The following CNTNAP2 variants were observed in gnomAD, a reference collection of about 807,000 sequenced individuals.
CNTNAP2 encodes the protein contactin-associated protein-like 2.
In CNTNAP2, 98 loss-of-function variants were observed where a neutral mutation model predicts 155.2. That is an observed-to-expected ratio of 0.63 (90% CI 0.54 to 0.75). CNTNAP2 has a LOEUF of 0.75. Ranked by LOEUF, CNTNAP2 falls within the 30% of genes least tolerant of loss-of-function variation. CNTNAP2 has a pLI of 0.00. For missense variants in CNTNAP2, 1,727 were observed against 1,688.1 expected, an observed-to-expected ratio of 1.02 and a Z score of -0.40; for synonymous variants, 651 against 631.2, an observed-to-expected ratio of 1.03 and a Z score of -0.47.
chr7:147,683,508 A>G lies in CNTNAP2; in HGVS notation c.2098+44202A>G, dbSNP rs534619397. On this transcript the variant is annotated intron_variant, in intron 13 of 23. Transcript: ENST00000361727. ...ACTTTTACCTTATTTTTCTTACTTT[A>G]ATCAATATTTCATTAAATTTGACTT... Among the ~76,000 whole-genome samples, 10 of 152,000 alleles carry G rather than the reference A, an allele frequency of 6.6e-5. No individual in the cohort carries two copies. The East Asian group carries it at 1.9e-3, about 29-fold the overall frequency.
intron 13 of CNTNAP2, among the ~76,000 whole-genome samples, chr7:147,853,221 T>C (rs572950332): frequency 6.6e-6 from 1 of 152,298 alleles, no homozygotes; most frequent in African/African-American, 2.4e-5. Flanking sequence ...GAAGATTAAT[T>C]GGGGAGGAGA....
chr7:147,132,208 C>G, intron 7 of CNTNAP2, 37 bp from the exon 8 acceptor site: 1 of 1,612,222 alleles, frequency 6.2e-7, no homozygotes, highest in Non-Finnish European at 8.5e-7. Context: ...TCATTTTATT[C>G]TGTGTTTTCC....
chr7:147,922,017 C>A (rs1473720554), intron 14 of CNTNAP2, among the ~76,000 whole-genome samples: 1 of 152,172 alleles, frequency 6.6e-6, no homozygotes, highest in African/African-American at 2.4e-5. Flanking sequence ...AAGAATGATT[C>A]TGGCAAGTCC....
intron 22 of CNTNAP2, among the ~76,000 whole-genome samples, chr7:148,385,746 T>TGTTTGTTTGTTTGTTTGTTTGTTTG (rs1167243164): frequency 7.7e-5 from 8 of 103,822 alleles, no homozygotes; most frequent in African/African-American, 2.5e-4. Flanking sequence ...GTTTTTTTTT[T>TGTTTGTTTGTTTGTTTGTTTGTTTG]TTTTTTTTTT....
At chr7:148,038,813 AGGATGGATGGATAGAT>A (rs1465539620) in intron 15 of CNTNAP2, among the ~76,000 whole-genome samples, 127 of 147,784 alleles carry the variant, frequency 8.6e-4, no homozygotes, top group African/African-American at 3.0e-3. Flanking sequence ...GAGAAGCAAT[AGGATGGATGGATAGAT>A]GGATGGATGG....
At chr7:146,893,926 C>A (rs1201886978) in intron 3 of CNTNAP2, among the ~76,000 whole-genome samples, 1 of 152,116 alleles carries the variant, frequency 6.6e-6, no homozygotes, top group East Asian at 1.9e-4. Flanking sequence ...ACAAACCGAG[C>A]TATGTAAAAA....
At chr7:146,926,947 T>C (rs1221680172) in intron 3 of CNTNAP2, among the ~76,000 whole-genome samples, 2 of 152,164 alleles carry the variant, frequency 1.3e-5, no homozygotes, top group African/African-American at 2.4e-5. Flanking sequence ...ATTCAGCCTT[T>C]AACCCCGAAG....
intron 1 of CNTNAP2, among the ~76,000 whole-genome samples, chr7:146,530,162 T>C (rs1443695811): frequency 6.6e-6 from 1 of 152,158 alleles, no homozygotes; most frequent in Non-Finnish European, 1.5e-5. Context: ...GGTGCTGGGA[T>C]AACTGGCTAG....
intron 13 of CNTNAP2, among the ~76,000 whole-genome samples, chr7:147,662,923 T>C (rs889028995): frequency 6.6e-5 from 10 of 152,262 alleles, no homozygotes; most frequent in African/African-American, 2.4e-4. Context: ...TACTTTAGTT[T>C]GCAGAAAACA....
intron 14 of CNTNAP2, among the ~76,000 whole-genome samples, chr7:147,977,157 T>G (rs940327645): frequency 6.6e-6 from 1 of 152,208 alleles, no homozygotes; most frequent in Non-Finnish European, 1.5e-5. Context: ...CTAGAGTCAG[T>G]ACTTTGCAAC....
chr7:147,530,777 A>T (rs867600207), intron 11 of CNTNAP2, among the ~76,000 whole-genome samples: 1 of 152,134 alleles, frequency 6.6e-6, no homozygotes, highest in Non-Finnish European at 1.5e-5. Context: ...CCTTCCCAAT[A>T]GTCCCCCAAA....
At chr7:148,092,068 T>G (rs1157007733) in intron 15 of CNTNAP2, among the ~76,000 whole-genome samples, 1 of 152,180 alleles carries the variant, frequency 6.6e-6, no homozygotes, top group Non-Finnish European at 1.5e-5. Flanking sequence ...GAAGTCTTAT[T>G]TTGCCAGTGA....
At chr7:146,535,742 A>G (rs73466765) in intron 1 of CNTNAP2, among the ~76,000 whole-genome samples, 6,572 of 151,766 alleles carry the variant, frequency 0.043, 435 homozygotes, top group African/African-American at 0.14. Flanking sequence ...CCCAAAGGAT[A>G]CTTTTCTAAC....
chr7:147,744,896 A>T (rs964496597), intron 13 of CNTNAP2, among the ~76,000 whole-genome samples: 1 of 152,152 alleles, frequency 6.6e-6, no homozygotes, highest in African/African-American at 2.4e-5. Flanking sequence ...CAAATTGGGG[A>T]GTAGGGCTTT....
chr7:146,538,389 G>A (rs1797901854), intron 1 of CNTNAP2, among the ~76,000 whole-genome samples: 1 of 152,068 alleles, frequency 6.6e-6, no homozygotes, highest in Admixed American at 6.6e-5. Flanking sequence ...CTTGACTTGT[G>A]CTCATGTTTA....
intron 13 of CNTNAP2, among the ~76,000 whole-genome samples, chr7:147,857,341 G>T (rs1274684383): frequency 1.3e-5 from 2 of 151,958 alleles, no homozygotes; most frequent in East Asian, 3.9e-4. Context: ...TTTTAAAATG[G>T]GTTTTCTCTG....
chr7:147,322,198 G>A (rs1231822489), intron 9 of CNTNAP2, among the ~76,000 whole-genome samples: 2 of 152,116 alleles, frequency 1.3e-5, no homozygotes, highest in Admixed American at 6.6e-5. Context: ...CAATGTTTAC[G>A]CATGTATCAC....
At chr7:146,725,611 T>A (rs1585060904) in intron 1 of CNTNAP2, among the ~76,000 whole-genome samples, 1 of 152,162 alleles carries the variant, frequency 6.6e-6, no homozygotes, top group East Asian at 1.9e-4. Context: ...CTTCTCTAAT[T>A]ACTCCTGCAG....
intron 1 of CNTNAP2, among the ~76,000 whole-genome samples, chr7:146,301,813 T>C (rs1800616187): frequency 6.6e-6 from 1 of 152,164 alleles, no homozygotes; most frequent in African/African-American, 2.4e-5. Flanking sequence ...GCCTGTGTGC[T>C]GGGTGTGGAA....
Sources: gnomAD v4.1 joint callset for allele counts (sites outside exome capture counted in the v4.1 genomes callset) on GRCh38, gnomAD v4.1.1 for gene constraint, MANE v1.5 for transcripts, NCBI Gene and HGNC (gene_info 2026-07-23, HGNC 2026-07-21) for gene names.